ARMC3: variants seen among roughly 807,000 people sequenced by gnomAD.
ARMC3 encodes the protein armadillo repeat-containing protein 3.
ARMC3 carries 74 observed loss-of-function variants against 90.3 expected under a neutral mutation model. The observed-to-expected ratio is 0.82, with a 90% CI of 0.68 to 0.99. The LOEUF is 0.99. Ranked by LOEUF, ARMC3 falls within the 50% of genes least tolerant of loss-of-function variation. The pLI, the probability that ARMC3 is intolerant of heterozygous loss-of-function variation, is 0.00. For synonymous variants in ARMC3, 334 were observed against 361.8 expected, an observed-to-expected ratio of 0.92 and a Z score of 0.87; for missense variants, 958 against 1,042.8, an observed-to-expected ratio of 0.92 and a Z score of 1.12.
chr10:22,932,576 A>C (rs1833973887), intron 2 of ARMC3, among the ~76,000 whole-genome samples: 1 of 152,218 alleles, frequency 6.6e-6, no homozygotes, highest in Admixed American at 6.5e-5. Context: ...GTCTTTAAAA[A>C]CAGGATTTTA....
At chr10:23,003,868 G>A (rs988655597) in intron 13 of ARMC3, among the ~76,000 whole-genome samples, 1 of 152,020 alleles carries the variant, frequency 6.6e-6, no homozygotes, top group Non-Finnish European at 1.5e-5. Context: ...AAAAGAAGGA[G>A]CAGGTGACAC....
chr10:22,997,537 T>G (rs11013228), intron 10 of ARMC3, among the ~76,000 whole-genome samples: 79,898 of 152,082 alleles, frequency 0.53, 22,767 homozygotes, highest in Non-Finnish European at 0.62. Flanking sequence ...TAATGTTTAA[T>G]TTGTAAAAGC....
At chr10:22,968,239 G>A (rs1835526326) in intron 7 of ARMC3, 67 bp from the exon 8 acceptor site, 3 of 1,432,906 alleles carry the variant, frequency 2.1e-6, no homozygotes, top group African/African-American at 1.4e-5. Context: ...ATTTCCTCTT[G>A]TAGTCAAATT....
intron 2 of ARMC3, among the ~76,000 whole-genome samples, chr10:22,936,153 G>A (rs11013201): frequency 0.063 from 9,513 of 152,004 alleles, 404 homozygotes; most frequent in Middle Eastern, 0.13. Context: ...AATTTATAAC[G>A]ATTAAAATTA....
intron 16 of ARMC3, among the ~76,000 whole-genome samples, chr10:23,021,413 AT>A (rs1838509575): frequency 6.6e-6 from 1 of 152,224 alleles, no homozygotes; most frequent in Non-Finnish European, 1.5e-5. Context: ...GGCTGAACTA[AT>A]TTACAATCCC....
At chr10:22,948,943 A>T (rs973031177) in intron 3 of ARMC3, among the ~76,000 whole-genome samples, 2 of 152,194 alleles carry the variant, frequency 1.3e-5, no homozygotes, top group Admixed American at 6.5e-5. Context: ...AACAAGAGGC[A>T]CCCAAAGGAT....
At chr10:22,952,752 A>G (rs538689689) in intron 3 of ARMC3, among the ~76,000 whole-genome samples, 2 of 152,344 alleles carry the variant, frequency 1.3e-5, no homozygotes, top group Non-Finnish European at 2.9e-5. Context: ...AGTATGCCTT[A>G]TTAACATAGA....
intron 16 of ARMC3, among the ~76,000 whole-genome samples, chr10:23,011,326 C>G (rs1009717533): frequency 6.6e-6 from 1 of 152,170 alleles, no homozygotes; most frequent in African/African-American, 2.4e-5. Flanking sequence ...GTTACCTTCT[C>G]TTTGTCTCTG....
At chr10:23,029,351 C>T (rs1205438904) in intron 16 of ARMC3, among the ~76,000 whole-genome samples, 1 of 152,156 alleles carries the variant, frequency 6.6e-6, no homozygotes, top group East Asian at 1.9e-4. Context: ...CTTCCTGCTG[C>T]TATTTACTTT....
At chr10:22,972,785 C>A (rs542955247) in intron 8 of ARMC3, among the ~76,000 whole-genome samples, 1 of 152,106 alleles carries the variant, frequency 6.6e-6, no homozygotes, top group Non-Finnish European at 1.5e-5. Flanking sequence ...ATAAGTATTA[C>A]GAAAGCTATT....
intron 10 of ARMC3, among the ~76,000 whole-genome samples, chr10:22,990,144 A>C (rs1289410075): frequency 2.1e-5 from 3 of 142,364 alleles, no homozygotes; most frequent in Non-Finnish European, 4.6e-5. Flanking sequence ...TTTTCAGAGG[A>C]AATCTTTATA....
At chr10:22,971,477 A>T (rs113781203) in intron 8 of ARMC3, among the ~76,000 whole-genome samples, 3,160 of 139,144 alleles carry the variant, frequency 0.023, 104 homozygotes, top group African/African-American at 0.082. Context: ...GTCTCGCTCC[A>T]TCACCCAGGC....
chr10:22,934,374 A>AGAAGATGCCTACATATGGAAAAGACACG (rs1834038828), intron 2 of ARMC3, among the ~76,000 whole-genome samples: 1 of 152,246 alleles, frequency 6.6e-6, no homozygotes, highest in African/African-American at 2.4e-5. Flanking sequence ...ACACTAGCTA[A>AGAAGATGCCTACATATGGAAAAGACACG]GAAGATGCCT....
At chr10:22,950,032 C>G (rs1834681749) in intron 3 of ARMC3, among the ~76,000 whole-genome samples, 1 of 151,728 alleles carries the variant, frequency 6.6e-6, no homozygotes, top group African/African-American at 2.4e-5. Flanking sequence ...AATTACATAT[C>G]CAGAAAAAAG....
chr10:22,954,037 C>T (rs1020528490), intron 3 of ARMC3, among the ~76,000 whole-genome samples: 1 of 152,072 alleles, frequency 6.6e-6, no homozygotes, highest in African/African-American at 2.4e-5. Flanking sequence ...TGATGCTGTC[C>T]ATCTTTTTGA....
intron 10 of ARMC3, among the ~76,000 whole-genome samples, chr10:22,994,485 G>A (rs946987539): frequency 9.2e-5 from 14 of 152,126 alleles, no homozygotes; most frequent in Non-Finnish European, 1.9e-4. Flanking sequence ...ATTGCTTGAG[G>A]CCAGAAGTTT....
In ARMC3 at chr10:23,032,953, T is replaced by C; in HGVS notation, c.2339T>C (p.Leu780Pro). The C allele has an allele frequency of 6.2e-7, 1 of 1,613,258 alleles. No individual in the cohort carries two copies. Among genetic ancestry groups the C allele is most frequent in the Non-Finnish European group, 8.5e-7 (1 of 1,179,492 alleles). Residue 780 changes from leucine to proline, a missense_variant, in exon 18 of 19, where the codon CTT (leucine) becomes CCT (proline). Leu to Pro is a moderately conservative substitution (Grantham distance 98). Transcript: ENST00000298032. ...ELHISELKFQ[L>P]KSNVIPIGHV... is the part of the protein sequence containing the mutation. ...CACATAAGTGAACTGAAATTTCAAC[T>C]TAAATCCAATGTTATACCGATTGGA...
chr10:23,038,434 T>A lies in ARMC3; in HGVS notation c.*955T>A, dbSNP rs372811984. 4 of 152,356 alleles carry A rather than the reference T, an allele frequency of 2.6e-5. No homozygotes were observed. Among genetic ancestry groups the A allele is most frequent in the South Asian group, 4.1e-4 (2 of 4,832 alleles). 9.4% of individuals were successfully genotyped at this position (152,356 alleles called of 1,614,324 possible). A position where few individuals can be genotyped will look rare whatever the true frequency, so the allele number is the denominator to read the frequency against. On this transcript the variant is annotated 3_prime_UTR_variant, in exon 19 of 19. Transcript: ENST00000298032. ...AGAAGACGTTTTAAAGTGAATTTGA[T>A]TTTAGAAATTAAAGCTAAGATTATT...
At position 22,957,126 on chromosome 10, in the gene ARMC3, C is replaced by T. The variant is rs115936643; in HGVS notation, c.292+1194C>T. Among the ~76,000 whole-genome samples, 716 of 152,170 alleles carry T rather than the reference C, an allele frequency of 4.7e-3. 9 individuals carry two copies. The highest frequency in any genetic ancestry group is 0.017 in the African/African-American group (688 of 41,524). ...ATGGCTAAAATCATTATACTTTCCC[C>T]GTCTTATGATAATCTCAGCAAAACA... On this transcript the variant is annotated intron_variant, in intron 4 of 18. Transcript: ENST00000298032.
Sources: gnomAD v4.1 joint callset for allele counts (sites outside exome capture counted in the v4.1 genomes callset) on GRCh38, gnomAD v4.1.1 for gene constraint, MANE v1.5 for transcripts, NCBI Gene and HGNC (gene_info 2026-07-23, HGNC 2026-07-21) for gene names.